The following FAM184B variants were observed in gnomAD, a reference collection of about 807,000 sequenced individuals.
FAM184B encodes protein FAM184B.
FAM184B carries 111 observed loss-of-function variants against 135.9 expected under a neutral mutation model. The ratio of observed to expected loss-of-function variants is 0.82; its 90% CI spans 0.70 to 0.96. The LOEUF is 0.96. FAM184B is among the 40% of genes least tolerant of loss of function. The pLI is 0.00. For synonymous variants in FAM184B, 552 were observed against 524.8 expected (o/e 1.05, Z -0.71); for missense variants, 1,375 against 1,323.9 (o/e 1.04, Z -0.60).
At chr4:17,687,664 C>T (rs940062115) in intron 7 of FAM184B, among the ~76,000 whole-genome samples, 1 of 152,050 alleles carries the variant, frequency 6.6e-6, no homozygotes, top group Non-Finnish European at 1.5e-5. Flanking sequence ...GACTCAGAGA[C>T]AAGGGGAAAG....
At chr4:17,654,193 C>CA (rs1268698136) in intron 10 of FAM184B, among the ~76,000 whole-genome samples, 3 of 138,310 alleles carry the variant, frequency 2.2e-5, no homozygotes, top group African/African-American at 7.9e-5. Context: ...ATAGTTTCTG[C>CA]TTTTTTTTTT....
At chr4:17,696,756 T>C (rs1379016912) in intron 5 of FAM184B, among the ~76,000 whole-genome samples, 2 of 152,006 alleles carry the variant, frequency 1.3e-5, no homozygotes, top group African/African-American at 4.8e-5. Flanking sequence ...GAGGCTGCAG[T>C]GAGCCATGAT....
intron 12 of FAM184B, among the ~76,000 whole-genome samples, chr4:17,643,645 G>C (rs1194680075): frequency 6.6e-6 from 1 of 152,172 alleles, no homozygotes; most frequent in East Asian, 1.9e-4. Flanking sequence ...CCTAACCACT[G>C]GGCTAACCTG....
Position 17,647,799 on chromosome 4 carries a change from A to T in FAM184B, c.2192-8T>A, listed in dbSNP as rs1715510252. 1 of 1,535,394 alleles carries T rather than the reference A, an allele frequency of 6.5e-7. No individual in the cohort carries two copies. ...GCTCCTGTCTGAGCGACTCTGGAAA[A>T]GGGAGAGCAGCAGTGAGTTAGGCGT... On this transcript the variant is annotated splice_region_variant and splice_polypyrimidine_tract_variant and intron_variant, in intron 11 of 17. Transcript: ENST00000265018.
At position 17,708,901 on chromosome 4, in the gene FAM184B, C is replaced by T; in HGVS notation, c.885G>A (p.Glu295=). Residue 295 remains glutamate (E), a synonymous_variant, in exon 2 of 18, where the codon GAG becomes GAA. Coordinates refer to ENST00000265018, the MANE Select transcript of FAM184B (RefSeq NM_015688.2). ...DLKKYAQKLK[E]RIQDLDVQLK... ...AGAGATGCTGCTTTACCTGAATCCT[C>T]TCCTTCAGCTTCTGGGCGTACTTCT... is the stretch of plus-strand genomic sequence containing the variant. 1 of 1,511,658 alleles carries T rather than the reference C, an allele frequency of 6.6e-7. No homozygotes were observed. The highest frequency in any genetic ancestry group is 8.9e-7 in the Non-Finnish European group (1 of 1,127,630). The allele number at this position is 1,511,658 out of a possible 1,614,324, so 93.6% of individuals were successfully genotyped here.
intron 1 of FAM184B, among the ~76,000 whole-genome samples, chr4:17,740,981 T>A (rs1379154603): frequency 6.6e-6 from 1 of 152,214 alleles, no homozygotes; most frequent in Admixed American, 6.5e-5. Context: ...AGTTTCTTAG[T>A]AAGGAGAAAG....
intron 1 of FAM184B, among the ~76,000 whole-genome samples, chr4:17,755,054 T>C (rs1051326246): frequency 1.3e-5 from 2 of 151,910 alleles, no homozygotes; most frequent in African/African-American, 4.8e-5. Flanking sequence ...AAGAATGGGG[T>C]CTTGCTGTGT....
chr4:17,756,344 A>C lies in FAM184B; in HGVS notation c.141+24815T>G, dbSNP rs540515799. Among the ~76,000 whole-genome samples the C allele has an allele frequency of 9.8e-5, 15 of 152,340 alleles. No individual in the cohort carries two copies. In the South Asian group the frequency reaches 2.7e-3, roughly 27 times the overall value. ...GGGTTTCTCTAACCAAAAATTAGTC[A>C]ATTTGAACATCAAAAAGAATAATAA... On this transcript the variant is annotated intron_variant, in intron 1 of 17. Coordinates refer to ENST00000265018, the MANE Select transcript of FAM184B (RefSeq NM_015688.2).
chr4:17,751,866 C>CACACAA (rs1312940744), intron 1 of FAM184B, among the ~76,000 whole-genome samples: 1 of 143,208 alleles, frequency 7.0e-6, no homozygotes, highest in South Asian at 2.3e-4. Context: ...CACACACACA[C>CACACAA]AAAAGAACCA....
chr4:17,739,029 T>C (rs1717967423), intron 1 of FAM184B, among the ~76,000 whole-genome samples: 1 of 152,234 alleles, frequency 6.6e-6, no homozygotes, highest in African/African-American at 2.4e-5. Context: ...TTTTTCTTTA[T>C]AAATTACCTA....
At chr4:17,731,033 G>C (rs1024884166) in intron 1 of FAM184B, among the ~76,000 whole-genome samples, 2 of 151,906 alleles carry the variant, frequency 1.3e-5, no homozygotes, top group Admixed American at 6.6e-5. Flanking sequence ...GGGAAGTTTA[G>C]AGAAAAAAGA....
chr4:17,650,761 C>T (rs1423082983), intron 11 of FAM184B, among the ~76,000 whole-genome samples: 1 of 152,196 alleles, frequency 6.6e-6, no homozygotes, highest in East Asian at 1.9e-4. Flanking sequence ...CTTCCTGCTC[C>T]TCACACCACT....
chr4:17,668,054 G>GT (rs1426606083), intron 7 of FAM184B, among the ~76,000 whole-genome samples: 1 of 152,200 alleles, frequency 6.6e-6, no homozygotes, highest in African/African-American at 2.4e-5. Context: ...GTCTAGCTCC[G>GT]TGATGAAGGA....
chr4:17,693,378 T>C lies in FAM184B; in HGVS notation c.1412A>G (p.Lys471Arg). 6.4e-7 allele frequency: 1 copy of C among 1,551,740 alleles called. No individual in the cohort carries two copies. The highest frequency in any genetic ancestry group is 8.7e-7 in the Non-Finnish European group (1 of 1,146,994). ...VEAQLEEVRK[K>R]SEKEIKQLEE... is the part of the protein sequence containing the mutation. ...CAGCTGCTTTATCTCCTTTTCTGATTTCTTCCTCACTTCCTCCAACTGTGC... is the reference window on the plus strand; with the variant it reads ...CAGCTGCTTTATCTCCTTTTCTGATCTCTTCCTCACTTCCTCCAACTGTGC... The change falls in exon 6 of 18, where the codon AAA becomes AGA. Residue 471 changes from lysine (K) to arginine (R), a missense_variant. By Grantham distance (26) the Lys-to-Arg change is conservative (BLOSUM62 2). Coordinates refer to ENST00000265018, the MANE Select transcript of FAM184B (RefSeq NM_015688.2).
chr4:17,762,972 T>A (rs899974473), intron 1 of FAM184B, among the ~76,000 whole-genome samples: 1 of 152,194 alleles, frequency 6.6e-6, no homozygotes, highest in Non-Finnish European at 1.5e-5. Flanking sequence ...TGCCCTGGCC[T>A]ACACAGCTGA....
intron 17 of FAM184B, 54 bp from the exon 18 acceptor site, chr4:17,632,679 G>A: frequency 8.6e-7 from 1 of 1,160,150 alleles, no homozygotes; most frequent in Non-Finnish European, 1.2e-6. Context: ...GCAAGAAGCA[G>A]CTTAATACCC....
chr4:17,688,577 C>CA, intron 6 of FAM184B, 46 bp from the exon 7 acceptor site: 1 of 1,396,458 alleles, frequency 7.2e-7, no homozygotes, highest in African/African-American at 1.4e-5. Flanking sequence ...CCAGGTTCTA[C>CA]CTCCTCGATA....
chr4:17,639,250 T>C lies in FAM184B; in HGVS notation c.2666A>G (p.Glu889Gly), dbSNP rs1169332145. 1.9e-5 allele frequency: 29 copies of C among 1,551,284 alleles called. No homozygotes were observed. Among genetic ancestry groups the C allele is most frequent in the Non-Finnish European group, 2.5e-5 (29 of 1,146,792 alleles). The part of the protein sequence containing the change: ...LQARLAALEA[E>G]LKDSGEKPGK... ...CCCTGGGGCCCGAGGCCTCACTTACTCGGCTTCCAGGGCAGCCAGCCGGGC... is the reference window on the plus strand; with the variant it reads ...CCCTGGGGCCCGAGGCCTCACTTACCCGGCTTCCAGGGCAGCCAGCCGGGC... Residue 889 changes from glutamate to glycine, a missense_variant and splice_region_variant, in exon 14 of 18, where the codon GAA becomes GGA. Physicochemically the swap from Glu to Gly is moderately conservative, Grantham distance 98. Coordinates refer to ENST00000265018, the MANE Select transcript of FAM184B (RefSeq NM_015688.2).
At chr4:17,780,223 A>C (rs1456847294) in intron 1 of FAM184B, among the ~76,000 whole-genome samples, 2 of 152,130 alleles carry the variant, frequency 1.3e-5, no homozygotes, top group Non-Finnish European at 1.5e-5. Context: ...GGGAAGTGAG[A>C]GGGAGATGGT....
Sources: gnomAD v4.1 joint callset for allele counts (sites outside exome capture counted in the v4.1 genomes callset) on GRCh38, gnomAD v4.1.1 for gene constraint, MANE v1.5 for transcripts, NCBI Gene and HGNC (gene_info 2026-07-23, HGNC 2026-07-21) for gene names.